The following LRRC4C variants were observed in gnomAD, a reference collection of about 807,000 sequenced individuals.
LRRC4C encodes the protein leucine-rich repeat-containing protein 4C.
Under a neutral mutation model 33.6 loss-of-function variants are expected in LRRC4C, and 5 were observed. The ratio of observed to expected loss-of-function variants is 0.15; its 90% CI spans 0.08 to 0.31. LRRC4C has a LOEUF of 0.31. Among genes scored for constraint, LRRC4C ranks in the 10% least tolerant of loss-of-function variants. The pLI is 1.00. For missense variants in LRRC4C, 560 were observed against 796.7 expected (o/e 0.70, Z 3.58); for synonymous variants, 329 against 302.0 (o/e 1.09, Z -0.93).
intron 5 of LRRC4C, among the ~76,000 whole-genome samples, chr11:40,182,831 T>A (rs968490231): frequency 5.3e-5 from 8 of 152,238 alleles, no homozygotes; most frequent in Admixed American, 2.6e-4. Flanking sequence ...GTAGCAAACA[T>A]ATACTGAACT....
chr11:40,777,788 C>T (rs1023708457), intron 2 of LRRC4C, among the ~76,000 whole-genome samples: 1 of 151,658 alleles, frequency 6.6e-6, no homozygotes, highest in Non-Finnish European at 1.5e-5. Context: ...CCCGAGTTCA[C>T]GCCATTCTCC....
intron 2 of LRRC4C, among the ~76,000 whole-genome samples, chr11:40,847,178 A>G (rs566063527): frequency 7.2e-5 from 11 of 152,170 alleles, no homozygotes; most frequent in Non-Finnish European, 1.3e-4. Flanking sequence ...AACTTCCAAT[A>G]CTATGTTGAA....
At chr11:40,250,341 T>C (rs1866687969) in intron 4 of LRRC4C, among the ~76,000 whole-genome samples, 1 of 152,178 alleles carries the variant, frequency 6.6e-6, no homozygotes. Context: ...TGTCTATAGA[T>C]ATGATCCCAA....
intron 5 of LRRC4C, among the ~76,000 whole-genome samples, chr11:40,240,323 T>C (rs1463612148): frequency 6.6e-6 from 1 of 152,194 alleles, no homozygotes; most frequent in Non-Finnish European, 1.5e-5. Flanking sequence ...GTATAACTTG[T>C]TACATGTCAC....
intron 6 of LRRC4C, among the ~76,000 whole-genome samples, chr11:40,131,575 G>A (rs1856646383): frequency 6.6e-6 from 1 of 152,138 alleles, no homozygotes; most frequent in Non-Finnish European, 1.5e-5. Context: ...GACACTAATA[G>A]TACATAGAGA....
At chr11:40,213,881 A>T (rs950286923) in intron 5 of LRRC4C, among the ~76,000 whole-genome samples, 1 of 152,198 alleles carries the variant, frequency 6.6e-6, no homozygotes, top group African/African-American at 2.4e-5. Flanking sequence ...GGTCATCCTT[A>T]CTACAAACAA....
At chr11:40,990,849 T>G (rs1230964713) in intron 1 of LRRC4C, among the ~76,000 whole-genome samples, 2 of 152,282 alleles carry the variant, frequency 1.3e-5, no homozygotes, top group East Asian at 3.9e-4. Context: ...ATACATTTTT[T>G]TAAGTATTCT....
chr11:40,140,324 C>T (rs777677535), intron 6 of LRRC4C, among the ~76,000 whole-genome samples: 3 of 152,108 alleles, frequency 2.0e-5, no homozygotes, highest in Non-Finnish European at 4.4e-5. Flanking sequence ...AAGGTAAATA[C>T]GTTTATGTGT....
intron 1 of LRRC4C, among the ~76,000 whole-genome samples, chr11:41,121,161 A>C (rs977080395): frequency 6.6e-6 from 1 of 152,124 alleles, no homozygotes. Flanking sequence ...CCTCATAAAG[A>C]TCCTTTTTAT....
At chr11:40,486,766 T>C (rs570273018) in intron 3 of LRRC4C, among the ~76,000 whole-genome samples, 4 of 152,216 alleles carry the variant, frequency 2.6e-5, no homozygotes, top group African/African-American at 7.2e-5. Context: ...GCTACTCTTC[T>C]AATATTTTAA....
At chr11:40,165,636 A>G (rs111656765) in intron 5 of LRRC4C, among the ~76,000 whole-genome samples, 17 of 152,148 alleles carry the variant, frequency 1.1e-4, no homozygotes, top group African/African-American at 4.1e-4. Flanking sequence ...AATTTTCCCT[A>G]TATAAAATGA....
chr11:40,436,230 A>G (rs1951133057), intron 3 of LRRC4C, among the ~76,000 whole-genome samples: 1 of 152,204 alleles, frequency 6.6e-6, no homozygotes, highest in African/African-American at 2.4e-5. Flanking sequence ...TTTTCAGAAG[A>G]CTAACAATTA....
intron 1 of LRRC4C, among the ~76,000 whole-genome samples, chr11:41,088,185 A>T (rs1006894719): frequency 6.6e-6 from 1 of 152,116 alleles, no homozygotes; most frequent in Non-Finnish European, 1.5e-5. Flanking sequence ...TCAGAAATTG[A>T]GTCCCAAATA....
At chr11:40,864,972 C>T (rs1409120103) in intron 2 of LRRC4C, among the ~76,000 whole-genome samples, 1 of 152,096 alleles carries the variant, frequency 6.6e-6, no homozygotes, top group Non-Finnish European at 1.5e-5. Flanking sequence ...CAAACCATAA[C>T]AAAAAGCCAC....
At chr11:40,348,273 A>T (rs1947227876) in intron 3 of LRRC4C, among the ~76,000 whole-genome samples, 1 of 74,952 alleles carries the variant, frequency 1.3e-5, no homozygotes, top group South Asian at 4.8e-4. Context: ...TCAATTTGTT[A>T]AAAAAAAAAA....
intron 5 of LRRC4C, among the ~76,000 whole-genome samples, chr11:40,166,154 C>T (rs1357872743): frequency 6.6e-6 from 1 of 152,168 alleles, no homozygotes; most frequent in South Asian, 2.1e-4. Flanking sequence ...ATGTTTATAG[C>T]AGCACTATGT....
chr11:41,088,424 G>A (rs1940162958), intron 1 of LRRC4C, among the ~76,000 whole-genome samples: 1 of 150,702 alleles, frequency 6.6e-6, no homozygotes, highest in African/African-American at 2.4e-5. Context: ...AAGAATTATA[G>A]TTGTCATTAT....
At chr11:40,158,563 C>G (rs889127777) in intron 5 of LRRC4C, among the ~76,000 whole-genome samples, 11 of 134,918 alleles carry the variant, frequency 8.2e-5, no homozygotes, top group African/African-American at 3.0e-4. Context: ...ATTATTAGAG[C>G]TTAAAACATA....
At chr11:40,456,472 C>T (rs1952135907) in intron 3 of LRRC4C, among the ~76,000 whole-genome samples, 2 of 151,148 alleles carry the variant, frequency 1.3e-5, no homozygotes. Context: ...AGGAAATCTC[C>T]CAGAATACAG....
Sources: allele counts gnomAD v4.1 joint callset (sites outside exome capture counted in the v4.1 genomes callset), GRCh38; gene constraint gnomAD v4.1.1; transcripts MANE v1.5; gene names NCBI Gene and HGNC (gene_info 2026-07-23, HGNC 2026-07-21).